TRAF3: variants seen among roughly 807,000 people sequenced by gnomAD.
TRAF3 encodes TNF receptor-associated factor 3.
In TRAF3, 13 loss-of-function variants were observed where a neutral mutation model predicts 62.3. The ratio of observed to expected loss-of-function variants is 0.21; its 90% CI spans 0.14 to 0.33. The LOEUF is 0.33. TRAF3 is among the 10% of genes least tolerant of loss of function. TRAF3 has a pLI of 1.00. For synonymous variants in TRAF3, 269 were observed against 283.4 expected (o/e 0.95, Z 0.51); for missense variants, 440 against 741.8 (o/e 0.59, Z 4.73).
rs1240848453 is a variant in TRAF3, at chr14:102,910,682, G to T, written c.*4898G>T. ...CGTGTGAAGCCTCGGCCGTCTCGGGGCTGGCAGGTGTGCGGGTGAGGAGGC... is the reference window on the plus strand; with the variant it reads ...CGTGTGAAGCCTCGGCCGTCTCGGGTCTGGCAGGTGTGCGGGTGAGGAGGC... On this transcript the variant is annotated 3_prime_UTR_variant, in exon 12 of 12. Transcript: ENST00000392745. 2 of 152,368 alleles carry T rather than the reference G, an allele frequency of 1.3e-5. No homozygotes were observed. Among genetic ancestry groups the T allele is most frequent in the African/African-American group, 4.8e-5 (2 of 41,458 alleles). 9.4% of individuals were successfully genotyped at this position (152,368 alleles called of 1,614,324 possible).
At chr14:102,881,965 C>T (rs1889096018) in intron 6 of TRAF3, among the ~76,000 whole-genome samples, 1 of 152,178 alleles carries the variant, frequency 6.6e-6, no homozygotes, top group African/African-American at 2.4e-5. Context: ...CAGACCCTGC[C>T]CTGGTTGCTT....
At chr14:102,791,442 T>C (rs1203776976) in intron 1 of TRAF3, among the ~76,000 whole-genome samples, 1 of 152,236 alleles carries the variant, frequency 6.6e-6, no homozygotes, top group Non-Finnish European at 1.5e-5. Flanking sequence ...TTTATTTTTG[T>C]GGGTTCTATT....
At chr14:102,888,913 G>A (rs987184797) in intron 7 of TRAF3, among the ~76,000 whole-genome samples, 3 of 152,096 alleles carry the variant, frequency 2.0e-5, no homozygotes, top group African/African-American at 4.8e-5. Flanking sequence ...TGCAAAACGA[G>A]TTACCTGCTC....
chr14:102,858,574 G>A (rs1443404205), intron 2 of TRAF3, among the ~76,000 whole-genome samples: 1 of 152,188 alleles, frequency 6.6e-6, no homozygotes, highest in Non-Finnish European at 1.5e-5. Flanking sequence ...CAACACAGCA[G>A]TTGTCTGTGG....
intron 1 of TRAF3, among the ~76,000 whole-genome samples, chr14:102,791,454 TAAATG>T (rs998187409): frequency 1.3e-5 from 2 of 152,260 alleles, no homozygotes; most frequent in African/African-American, 2.4e-5. Context: ...GGTTCTATTG[TAAATG>T]AAATTATTTT....
chr14:102,875,784 A>G (rs1888614088), intron 5 of TRAF3, 56 bp downstream of exon 5: 1 of 1,457,802 alleles, frequency 6.9e-7, no homozygotes, highest in African/African-American at 1.4e-5. Flanking sequence ...AGTCCCTTAC[A>G]TCCAGCTGAT....
Position 102,870,232 on chromosome 14 carries a change from G to A in TRAF3, c.31G>A (p.Gly11Ser), listed in dbSNP as rs1203054993. 1 of 1,614,076 alleles carries A rather than the reference G, an allele frequency of 6.2e-7. No homozygotes were observed. Reference sequence around the variant, plus strand: ...GTCGAGTAAAAAGATGGACTCTCCTGGCGCGCTGCAGACTAACCCGCCGCT... The same window carrying A: ...GTCGAGTAAAAAGATGGACTCTCCTAGCGCGCTGCAGACTAACCCGCCGCT... Reference protein sequence around the residue: MESSKKMDSPGALQTNPPLKL... With the variant: MESSKKMDSPSALQTNPPLKL... Residue 11 changes from glycine (G) to serine (S), a missense_variant, in exon 3 of 12, where the codon GGC becomes AGC. Physicochemically the swap from Gly to Ser is moderately conservative, Grantham distance 56. Around this residue, in one of 6 missense-constraint regions of TRAF3, gnomAD observed 40 missense variants for 38.3 expected, o/e 1.05. Transcript: ENST00000392745.
At position 102,826,630 on chromosome 14, in the gene TRAF3, G is replaced by C. The variant is rs1386033009; in HGVS notation, c.-156-3704G>C. Among the ~76,000 whole-genome samples the C allele has an allele frequency of 6.6e-6, 1 of 152,218 alleles. No individual in the cohort carries two copies. The highest frequency in any genetic ancestry group is 1.5e-5 in the Non-Finnish European group (1 of 68,030). ...AACAGCATAACATTGGCAGAGGTCT[G>C]ACATGTCATTTCCTGTTACTAGAAT... On this transcript the variant is annotated intron_variant, in intron 1 of 11. Transcript: ENST00000392745. The surrounding 1 kb of genome is among the most constrained non-coding windows in gnomAD (Gnocchi z 4.6).
rs138570445 is a variant in TRAF3 at position 102,858,373 on chromosome 14, G to A, written c.-17-11812G>A. On this transcript the variant is annotated intron_variant, in intron 2 of 11. Transcript: ENST00000392745. ...TCACCACATTGGTCATGCTGGTCTCGAACTCCCAACCTCAGGTGATCCACC... is the reference window on the plus strand; with the variant it reads ...TCACCACATTGGTCATGCTGGTCTCAAACTCCCAACCTCAGGTGATCCACC... Among the ~76,000 whole-genome samples, 871 of 152,160 alleles carry A rather than the reference G, an allele frequency of 5.7e-3. 9 individuals are homozygous for A. Among genetic ancestry groups the A allele is most frequent in the Admixed American group, 9.9e-3 (151 of 15,286 alleles).
At position 102,830,362 on chromosome 14, in the gene TRAF3, TGCCACTTG is replaced by T. The variant is rs2139625991; in HGVS notation, c.-126_-119del. On this transcript the variant is annotated 5_prime_UTR_variant, in exon 2 of 12. An upstream open reading frame in the 5' UTR loses its in-frame stop. Coordinates refer to ENST00000392745, the MANE Select transcript of TRAF3 (RefSeq NM_145725.3). The stretch of plus-strand genomic sequence containing the variant: ...AGGAAAATGAGGCCCAAAGAAGTGA[TGCCACTTG>T]GTTAAGGTCCCAGAGCAGGTCAGAA... 1 of 152,534 alleles carries T rather than the reference TGCCACTTG, an allele frequency of 6.6e-6. No homozygotes were observed. The highest frequency in any genetic ancestry group is 1.9e-4 in the East Asian group (1 of 5,184). The allele number at this position is 152,534 out of a possible 1,614,324, so 9.4% of individuals were successfully genotyped here.
chr14:102,789,594 ATG>A (rs56383846), intron 1 of TRAF3, among the ~76,000 whole-genome samples: 56,145 of 148,572 alleles, frequency 0.38, 11,367 homozygotes, highest in African/African-American at 0.54. Context: ...AAAAGGATAT[ATG>A]TGTGTGTGTG....
At chr14:102,789,851 C>T (rs1402037841) in intron 1 of TRAF3, among the ~76,000 whole-genome samples, 1 of 151,528 alleles carries the variant, frequency 6.6e-6, no homozygotes. Context: ...ACCGAGTCTC[C>T]TTCTGTTGCC....
At chr14:102,824,903 G>A (rs1900206507) in intron 1 of TRAF3, among the ~76,000 whole-genome samples, 1 of 152,176 alleles carries the variant, frequency 6.6e-6, no homozygotes, top group Admixed American at 6.5e-5. Flanking sequence ...TTTTGAGACA[G>A]CTAATCCTTT....
intron 1 of TRAF3, among the ~76,000 whole-genome samples, chr14:102,814,141 A>G (rs1201759758): frequency 1.3e-5 from 2 of 152,092 alleles, no homozygotes; most frequent in Admixed American, 1.3e-4. Context: ...TGGATATTTA[A>G]TTTTCACAGC....
chr14:102,809,648 T>C (rs999505436), intron 1 of TRAF3, among the ~76,000 whole-genome samples: 1 of 151,352 alleles, frequency 6.6e-6, no homozygotes, highest in African/African-American at 2.4e-5. Flanking sequence ...TTCTCCTGTC[T>C]GTCTCCTGAG....
intron 1 of TRAF3, among the ~76,000 whole-genome samples, chr14:102,812,837 T>C (rs1899278510): frequency 6.6e-6 from 1 of 151,432 alleles, no homozygotes; most frequent in Non-Finnish European, 1.5e-5. Flanking sequence ...GAGAATGGCG[T>C]GAACCCAGGA....
intron 6 of TRAF3, among the ~76,000 whole-genome samples, chr14:102,884,842 T>G (rs770832670): frequency 1.3e-5 from 2 of 152,002 alleles, no homozygotes; most frequent in Non-Finnish European, 2.9e-5. Context: ...CACATATATA[T>G]GTGCTTAACC....
intron 4 of TRAF3, among the ~76,000 whole-genome samples, chr14:102,873,880 C>T (rs908525608): frequency 1.3e-5 from 2 of 152,104 alleles, no homozygotes; most frequent in Non-Finnish European, 2.9e-5. Context: ...CATTAAGCTC[C>T]TGTTATTCCA....
chr14:102,802,658 C>G (rs1301855320), intron 1 of TRAF3, among the ~76,000 whole-genome samples: 3 of 151,462 alleles, frequency 2.0e-5, no homozygotes, highest in Non-Finnish European at 4.4e-5. Context: ...GAAACTCCAT[C>G]TCTACTAAAA....
Sources: gnomAD v4.1 joint callset for allele counts (sites outside exome capture counted in the v4.1 genomes callset) on GRCh38, gnomAD v4.1.1 for gene constraint, gnomAD v4.1.1 regional missense constraint, Gnocchi (gnomAD v3.1) non-coding constraint, MANE v1.5 for transcripts, NCBI Gene and HGNC (gene_info 2026-07-23, HGNC 2026-07-21) for gene names.